SPTBN1: variants seen among roughly 807,000 people sequenced by gnomAD.
SPTBN1 encodes spectrin beta, non-erythrocytic 1.
A neutral mutation model predicts 266.4 loss-of-function variants in SPTBN1; 32 were observed. The ratio of observed to expected loss-of-function variants is 0.12; its 90% CI spans 0.09 to 0.16. The LOEUF (loss-of-function observed/expected upper bound fraction) is 0.16. Ranked by LOEUF, SPTBN1 falls within the 10% of genes least tolerant of loss-of-function variation. The pLI, the probability that SPTBN1 is intolerant of heterozygous loss-of-function variation, is 1.00. For missense variants in SPTBN1, 2,296 were observed against 3,067.1 expected, an observed-to-expected ratio of 0.75 and a Z score of 5.94; for synonymous variants, 1,336 against 1,162.2, an observed-to-expected ratio of 1.15 and a Z score of -3.04.
intron 2 of SPTBN1, among the ~76,000 whole-genome samples, chr2:54,531,983 T>A (rs1671278146): frequency 6.6e-6 from 1 of 152,112 alleles, no homozygotes; most frequent in South Asian, 2.1e-4. Flanking sequence ...AAGACTTAGA[T>A]GTGTTTTAAG....
chr2:54,665,855 C>G, intron 33 of SPTBN1, 60 bp from the exon 34 acceptor site: 1 of 1,537,212 alleles, frequency 6.5e-7, no homozygotes, highest in South Asian at 1.3e-5. Context: ...ATGTTTAGTT[C>G]TTTAAGGGGA....
chr2:54,565,180 G>A (rs1231240167), intron 2 of SPTBN1, among the ~76,000 whole-genome samples: 1 of 152,218 alleles, frequency 6.6e-6, no homozygotes, highest in Non-Finnish European at 1.5e-5. Context: ...TAAAATTTGA[G>A]AAATAGTCCC....
chr2:54,457,729 C>G (rs7609416), intron 1 of SPTBN1, among the ~76,000 whole-genome samples: 5,614 of 152,316 alleles, frequency 0.037, 268 homozygotes, highest in East Asian at 0.12. Context: ...CTGCCCTTGG[C>G]CGAGGCCTGG....
At chr2:54,562,817 C>T (rs1287654752) in intron 2 of SPTBN1, among the ~76,000 whole-genome samples, 1 of 151,848 alleles carries the variant, frequency 6.6e-6, no homozygotes. Flanking sequence ...CTCGGCCTCC[C>T]AAAATGCTGG....
intron 1 of SPTBN1, among the ~76,000 whole-genome samples, chr2:54,470,368 T>A (rs761191501): frequency 3.3e-5 from 5 of 152,254 alleles, no homozygotes; most frequent in Non-Finnish European, 7.3e-5. Context: ...TTTGTTCACG[T>A]GAAATAAACC....
At chr2:54,497,077 A>G (rs924112172) in intron 1 of SPTBN1, among the ~76,000 whole-genome samples, 1 of 152,250 alleles carries the variant, frequency 6.6e-6, no homozygotes, top group Non-Finnish European at 1.5e-5. Flanking sequence ...AGCATGGAAC[A>G]TGAAGATACG....
At chr2:54,665,447 TGTAA>T (rs1681307017) in intron 33 of SPTBN1, among the ~76,000 whole-genome samples, 1 of 152,200 alleles carries the variant, frequency 6.6e-6, no homozygotes, top group African/African-American at 2.4e-5. Context: ...CCAAAGGTAC[TGTAA>T]GTGCTGATGG....
At chr2:54,599,280 G>C in intron 3 of SPTBN1, 37 bp downstream of exon 3, 1 of 1,600,604 alleles carries the variant, frequency 6.2e-7, no homozygotes, top group East Asian at 2.2e-5. Flanking sequence ...TGTGTTGTAG[G>C]TGGAAAATAT....
intron 2 of SPTBN1, among the ~76,000 whole-genome samples, chr2:54,562,696 T>TGTGTG (rs1673390172): frequency 8.2e-6 from 1 of 122,598 alleles, no homozygotes. Flanking sequence ...AAACCCTGCT[T>TGTGTG]TGTGTGTGTG....
At position 54,626,345 on chromosome 2, in the gene SPTBN1, C is replaced by A; in HGVS notation, c.1644+111C>A. 7.6e-7 allele frequency: 1 copy of A among 1,311,384 alleles called. No homozygotes were observed. Among genetic ancestry groups the A allele is most frequent in the Non-Finnish European group, 1.0e-6 (1 of 967,138 alleles). The allele number at this position is 1,311,384 out of a possible 1,614,324, so 81.2% of individuals were successfully genotyped here. ...CAGCTGTGTGCCTTGTCTAACTGCCCACATGTACAGCTAGAGAGGAGCCAC... is the reference window on the plus strand; with the variant it reads ...CAGCTGTGTGCCTTGTCTAACTGCCAACATGTACAGCTAGAGAGGAGCCAC... On this transcript the variant is annotated intron_variant, in intron 12 of 35. Transcript: ENST00000356805. The surrounding 1 kb of genome is among the most constrained non-coding windows in gnomAD (Gnocchi z 4.7).
chr2:54,612,964 G>T (rs1677326764), intron 4 of SPTBN1, among the ~76,000 whole-genome samples: 1 of 152,178 alleles, frequency 6.6e-6, no homozygotes, highest in African/African-American at 2.4e-5. Flanking sequence ...TACTCTCAAG[G>T]TCATTTTGTC....
chr2:54,667,653 T>G lies in SPTBN1; in HGVS notation c.6876+7T>G. 6.2e-7 allele frequency: 1 copy of G among 1,613,376 alleles called. No individual in the cohort carries two copies. Among genetic ancestry groups the G allele is most frequent in the South Asian group, 1.1e-5 (1 of 91,056 alleles). ...CTTCCAAGCCAAAGACGATGTAAGT[T>G]TCTAAATGTTATTTCTCTCCACTAC... is the stretch of plus-strand genomic sequence containing the variant. On this transcript the variant is annotated splice_region_variant and intron_variant, in intron 35 of 35. Transcript: ENST00000356805.
chr2:54,646,601 C>T lies in SPTBN1; in HGVS notation c.4866+126C>T. On this transcript the variant is annotated intron_variant, in intron 23 of 35. Transcript: ENST00000356805. This position sits in a 1 kb window ranked among gnomAD's most constrained non-coding sequence, Gnocchi z 4.4. ...GTAGCCTTTGAGTGTTAAGGGGACA[C>T]CATGTGCATGAAGGTGTCTGAAATC... The T allele has an allele frequency of 1.8e-6, 2 of 1,124,500 alleles. No individual in the cohort carries two copies. The highest frequency in any genetic ancestry group is 4.5e-5 in the South Asian group (2 of 44,190). The allele number at this position is 1,124,500 out of a possible 1,614,324, so 69.7% of individuals were successfully genotyped here.
chr2:54,621,323 C>G, intron 7 of SPTBN1, 77 bp from the exon 8 acceptor site: 1 of 997,662 alleles, frequency 1.0e-6, no homozygotes, highest in Non-Finnish European at 1.6e-6. Context: ...GACCAGCAGT[C>G]GTTGCATTTG....
rs1394474390 is a variant in SPTBN1 at position 54,569,494 on chromosome 2, A to T, written c.149-29598A>T. ...TAACTTTCCAATAGTTAATATATAT[A>T]AGCACACACATATACACACACGTGC... On this transcript the variant is annotated intron_variant, in intron 2 of 35. Transcript: ENST00000356805. 2.0e-5 allele frequency among the ~76,000 whole-genome samples: 3 copies of T among 152,214 alleles called. No homozygotes were observed. The East Asian group carries it at 5.8e-4, about 29-fold the overall frequency.
At chr2:54,595,298 A>T (rs1356385241) in intron 2 of SPTBN1, among the ~76,000 whole-genome samples, 2 of 152,136 alleles carry the variant, frequency 1.3e-5, no homozygotes, top group African/African-American at 2.4e-5. Flanking sequence ...AAGCTTAGTA[A>T]ACTGCGGGAG....
At chr2:54,463,096 T>C (rs1693450955) in intron 1 of SPTBN1, among the ~76,000 whole-genome samples, 1 of 150,950 alleles carries the variant, frequency 6.6e-6, no homozygotes, top group South Asian at 2.1e-4. Flanking sequence ...TGACTGGGGG[T>C]CCAGAAGTAA....
At chr2:54,468,401 CT>C (rs557407880) in intron 1 of SPTBN1, among the ~76,000 whole-genome samples, 2 of 151,624 alleles carry the variant, frequency 1.3e-5, no homozygotes, top group Non-Finnish European at 2.9e-5. Context: ...TCTTTTAAGC[CT>C]TTTTTTTCTG....
At chr2:54,575,055 A>G (rs749033009) in intron 2 of SPTBN1, among the ~76,000 whole-genome samples, 1 of 152,232 alleles carries the variant, frequency 6.6e-6, no homozygotes, top group Non-Finnish European at 1.5e-5. Flanking sequence ...GGCCGTTTTC[A>G]ACATTTCTGT....
Sources: gnomAD v4.1 joint callset for allele counts (sites outside exome capture counted in the v4.1 genomes callset) on GRCh38, gnomAD v4.1.1 for gene constraint, Gnocchi (gnomAD v3.1) non-coding constraint, MANE v1.5 for transcripts, NCBI Gene and HGNC (gene_info 2026-07-23, HGNC 2026-07-21) for gene names.